CELF2: variants seen among roughly 807,000 people sequenced by gnomAD.
The protein encoded by CELF2 is CUGBP Elav-like family member 2.
A neutral mutation model predicts 62.6 loss-of-function variants in CELF2; 8 were observed. That is an observed-to-expected ratio of 0.13 (90% CI 0.07 to 0.23). CELF2 has a LOEUF of 0.23. Among genes scored for constraint, CELF2 ranks in the 10% least tolerant of loss-of-function variants. The pLI, the probability that CELF2 is intolerant of heterozygous loss-of-function variation, is 1.00. For missense variants in CELF2, 333 were observed against 671.0 expected (o/e 0.50, Z 5.56); for synonymous variants, 258 against 250.0 (o/e 1.03, Z -0.30).
chr10:10,659,346 C>G, the CELF2 span, among the ~76,000 whole-genome samples: 1 of 152,116 alleles, frequency 6.6e-6, no homozygotes, highest in Non-Finnish European at 1.5e-5. Context: ...GTTATCAAGT[C>G]TAAAATGCCC....
intron 1 of CELF2, among the ~76,000 whole-genome samples, chr10:11,049,271 C>T (rs912020933): frequency 6.6e-6 from 1 of 150,776 alleles, no homozygotes; most frequent in African/African-American, 2.4e-5. Flanking sequence ...TAAGTTAAGC[C>T]TCAAGTGAGA....
chr10:10,977,063 T>C (rs973653825), intron 2 of CELF2, among the ~76,000 whole-genome samples: 1 of 152,072 alleles, frequency 6.6e-6, no homozygotes, highest in Non-Finnish European at 1.5e-5. Context: ...TGTCAGGAGC[T>C]CTGCCCTGAT....
At chr10:10,908,213 G>GTTTTTTTTTTT (rs1564802363) in intron 1 of CELF2, among the ~76,000 whole-genome samples, 5 of 26,536 alleles carry the variant, frequency 1.9e-4, no homozygotes, top group Non-Finnish European at 2.0e-4. Flanking sequence ...TGTATGAGGG[G>GTTTTTTTTTTT]ATTTTTTTTT....
chr10:10,944,388 A>G (rs1463651768), intron 2 of CELF2: 1 of 152,674 alleles, frequency 6.5e-6, no homozygotes, highest in Non-Finnish European at 1.5e-5. Context: ...CATCACAGGC[A>G]CTAAGGATCA....
the CELF2 span, among the ~76,000 whole-genome samples, chr10:10,546,047 C>T: frequency 2.0e-5 from 3 of 151,988 alleles, no homozygotes; most frequent in South Asian, 2.1e-4. Flanking sequence ...GGATATAGGA[C>T]GACGCTGACA....
intron 1 of CELF2, among the ~76,000 whole-genome samples, chr10:11,064,062 T>C (rs147412906): frequency 5.3e-4 from 81 of 152,346 alleles, no homozygotes; most frequent in African/African-American, 1.9e-3. Context: ...GTGTCAGGCA[T>C]GATTCCCAGC....
At chr10:10,926,331 G>T (rs1027110617) in intron 2 of CELF2, among the ~76,000 whole-genome samples, 1 of 152,116 alleles carries the variant, frequency 6.6e-6, no homozygotes, top group African/African-American at 2.4e-5. Context: ...TCCTTTTCTC[G>T]CTCTTCTGCC....
chr10:11,019,215 G>T (rs1429527868), intron 1 of CELF2, among the ~76,000 whole-genome samples: 2 of 152,198 alleles, frequency 1.3e-5, no homozygotes, highest in Admixed American at 1.3e-4. Context: ...AGAGAGAAAA[G>T]ATTGCCAGAG....
chr10:10,631,193 A>C, the CELF2 span, among the ~76,000 whole-genome samples: 2 of 152,230 alleles, frequency 1.3e-5, no homozygotes, highest in Non-Finnish European at 2.9e-5. Context: ...GGAAGACTTT[A>C]GAATTAACAG....
rs113999893 is a variant in CELF2 at position 10,865,977 on chromosome 10, T to A, written c.54-53987T>A. 3.2e-3 allele frequency among the ~76,000 whole-genome samples: 482 copies of A among 152,204 alleles called. 4 individuals carry two copies. Among genetic ancestry groups the A allele is most frequent in the African/African-American group, 0.01 (425 of 41,536 alleles). ...TTTCCAGTGACAGTGTTATAGTGTT[T>A]GTGAAGTAACAGCAGAAGGGAGGTG... On this transcript the variant is annotated intron_variant, in intron 1 of 13. Transcript: ENST00000636488.
In CELF2 at chr10:11,243,677, G is replaced by GA; in HGVS notation, c.355-5476_355-5475insA. Reference sequence around the variant, plus strand: ...AGGAAAACCACTCTGTAAAGTCAGAGGCTGGTGTTTGTAAAATTCTTAGAC... The same window carrying GA: ...AGGAAAACCACTCTGTAAAGTCAGAGAGCTGGTGTTTGTAAAATTCTTAGAC... On this transcript the variant is annotated intron_variant, in intron 3 of 12. Coordinates refer to ENST00000633077, the MANE Select transcript of CELF2 (RefSeq NM_001326342.2). The surrounding 1 kb of genome is among the most constrained non-coding windows in gnomAD (Gnocchi z 4.1). 1.3e-5 allele frequency among the ~76,000 whole-genome samples: 2 copies of GA among 152,210 alleles called. No individual in the cohort carries two copies. The highest frequency in any genetic ancestry group is 2.9e-5 in the Non-Finnish European group (2 of 68,034).
chr10:11,011,422 AG>A lies in CELF2; in HGVS notation c.53+5985del, dbSNP rs560853671. Among the ~76,000 whole-genome samples, 124 of 150,870 alleles carry A rather than the reference AG, an allele frequency of 8.2e-4. No homozygotes were observed. Among genetic ancestry groups the A allele is most frequent in the Admixed American group, 1.9e-3 (29 of 15,102 alleles). ...GCAGATGGAGGTGGGTGAGGGGGAG[AG>A]GGAAGGTGTCATTAGGACACCCTGA... On this transcript the variant is annotated intron_variant, in intron 1 of 12. Coordinates refer to the CELF2 transcript ENST00000416382. This position sits in a 1 kb window ranked among gnomAD's most constrained non-coding sequence, Gnocchi z 4.6.
At chr10:11,049,213 CT>C (rs558304756) in intron 1 of CELF2, among the ~76,000 whole-genome samples, 7,189 of 144,564 alleles carry the variant, frequency 0.05, 204 homozygotes, top group Non-Finnish European at 0.063. Flanking sequence ...AGTATGCCAT[CT>C]TTTTTTTTTT....
chr10:10,564,534 A>G, the CELF2 span, among the ~76,000 whole-genome samples: 2 of 152,064 alleles, frequency 1.3e-5, no homozygotes, highest in African/African-American at 4.8e-5. Flanking sequence ...GACAAAGACA[A>G]AAGTGTTGAT....
the CELF2 span, among the ~76,000 whole-genome samples, chr10:10,541,878 G>A: frequency 1.3e-5 from 2 of 152,150 alleles, no homozygotes; most frequent in African/African-American, 4.8e-5. Context: ...GTAGGTCTCA[G>A]TCTCCCTTGA....
the CELF2 span, among the ~76,000 whole-genome samples, chr10:10,527,974 T>C: frequency 2.0e-5 from 3 of 152,174 alleles, no homozygotes; most frequent in Non-Finnish European, 4.4e-5. Flanking sequence ...CATTACTTCA[T>C]TCAGTCCTCA....
chr10:11,131,844 G>T (rs535229061), intron 1 of CELF2, among the ~76,000 whole-genome samples: 1 of 152,114 alleles, frequency 6.6e-6, no homozygotes, highest in Non-Finnish European at 1.5e-5. Context: ...CTAGTATTGC[G>T]GCTGGTTAGA....
intron 1 of CELF2, chr10:11,030,235 C>T (rs1280025719): frequency 6.6e-6 from 1 of 152,184 alleles, no homozygotes; most frequent in Non-Finnish European, 1.5e-5. Context: ...ATACCATGGG[C>T]CAGCCATCAG....
intron 1 of CELF2, among the ~76,000 whole-genome samples, chr10:11,160,645 CAAAA>C (rs35755036): frequency 3.1e-5 from 3 of 96,894 alleles, no homozygotes; most frequent in Admixed American, 1.0e-4. Flanking sequence ...TCCCAAGGAT[CAAAA>C]AAAAAAAAAA....
Sources: gnomAD v4.1 joint callset for allele counts (sites outside exome capture counted in the v4.1 genomes callset) on GRCh38, gnomAD v4.1.1 for gene constraint, Gnocchi (gnomAD v3.1) non-coding constraint, MANE v1.5 for transcripts, NCBI Gene and HGNC (gene_info 2026-07-23, HGNC 2026-07-21) for gene names.